RBFOX1: variants seen among roughly 807,000 people sequenced by gnomAD.
The protein encoded by RBFOX1 is RNA binding fox-1 homolog 1.
RBFOX1 carries 8 observed loss-of-function variants against 57.7 expected under a neutral mutation model. That is an observed-to-expected ratio of 0.14 (90% CI 0.08 to 0.25). RBFOX1 has a LOEUF of 0.25. Among genes scored for constraint, RBFOX1 ranks in the 10% least tolerant of loss-of-function variants. The pLI is 1.00. For missense variants in RBFOX1, 611 were observed against 548.5 expected (o/e 1.11, Z -1.14); for synonymous variants, 326 against 222.4 (o/e 1.47, Z -4.15).
chr16:6,982,089 C>T (rs1270701758), intron 3 of RBFOX1, among the ~76,000 whole-genome samples: 2 of 152,086 alleles, frequency 1.3e-5, no homozygotes, highest in Non-Finnish European at 2.9e-5. Flanking sequence ...GTTTATATAA[C>T]AAGAATGTGG....
At chr16:6,678,563 G>A (rs1270916726) in intron 3 of RBFOX1, among the ~76,000 whole-genome samples, 1 of 151,392 alleles carries the variant, frequency 6.6e-6, no homozygotes, top group Non-Finnish European at 1.5e-5. Flanking sequence ...TTTCTCTTTA[G>A]AGGTTTTGTG....
chr16:6,344,407 C>CTTTTTTTTTTTTTTTTTTTTTTTTTT (rs60637926), intron 2 of RBFOX1, among the ~76,000 whole-genome samples: 44 of 109,828 alleles, frequency 4.0e-4, no homozygotes, highest in Non-Finnish European at 5.1e-4. Flanking sequence ...TCTTTTTTTT[C>CTTTTTTTTTTTTTTTTTTTTTTTTTT]TTTTTTTTTT....
chr16:6,705,531 C>G (rs1478966912), intron 3 of RBFOX1: 2 of 152,156 alleles, frequency 1.3e-5, no homozygotes, highest in Non-Finnish European at 2.9e-5. Context: ...CTACCCAGAT[C>G]TCAGTTTCTA....
chr16:6,356,943 A>G (rs754422679), intron 2 of RBFOX1, among the ~76,000 whole-genome samples: 5 of 152,178 alleles, frequency 3.3e-5, no homozygotes, highest in African/African-American at 7.2e-5. Context: ...AAAGGAAACT[A>G]AAAGCCACAG....
chr16:6,538,738 T>C (rs1277483001), intron 2 of RBFOX1, among the ~76,000 whole-genome samples: 1 of 152,220 alleles, frequency 6.6e-6, no homozygotes, highest in Admixed American at 6.5e-5. Flanking sequence ...TGAATGTGTT[T>C]GCCTTTTTCC....
intron 3 of RBFOX1, among the ~76,000 whole-genome samples, chr16:6,728,011 A>G (rs1046982419): frequency 1.6e-4 from 24 of 152,214 alleles, no homozygotes; most frequent in African/African-American, 5.8e-4. Context: ...AAGAAATTGT[A>G]GTATTTCCAT....
At chr16:6,932,014 C>T (rs1385134051) in intron 3 of RBFOX1, among the ~76,000 whole-genome samples, 2 of 152,180 alleles carry the variant, frequency 1.3e-5, no homozygotes, top group African/African-American at 4.8e-5. Flanking sequence ...CTAACTGACA[C>T]CTGCAGTAGC....
intron 3 of RBFOX1, among the ~76,000 whole-genome samples, chr16:6,834,753 A>T (rs1327657688): frequency 6.6e-6 from 1 of 152,142 alleles, no homozygotes; most frequent in African/African-American, 2.4e-5. Flanking sequence ...CTCGTGAGAC[A>T]GTTGCATTTA....
intron 1 of RBFOX1, among the ~76,000 whole-genome samples, chr16:6,314,444 A>G (rs961306004): frequency 3.7e-4 from 57 of 152,200 alleles, no homozygotes; most frequent in African/African-American, 1.3e-3. Flanking sequence ...GGAAGGGTCA[A>G]TGAAAGTTAC....
intron 1 of RBFOX1, among the ~76,000 whole-genome samples, chr16:5,400,906 GA>G (rs1356628498): frequency 3.3e-5 from 5 of 151,948 alleles, no homozygotes; most frequent in African/African-American, 1.2e-4. Context: ...TTTGTTCATA[GA>G]TCATTTTTCT....
intron 1 of RBFOX1, among the ~76,000 whole-genome samples, chr16:5,403,096 A>T (rs2066760639): frequency 6.6e-6 from 1 of 152,082 alleles, no homozygotes; most frequent in Admixed American, 6.5e-5. Context: ...TCATGCCTAT[A>T]ATCCCACCAC....
chr16:6,797,622 G>C (rs984557442), intron 3 of RBFOX1, among the ~76,000 whole-genome samples: 4 of 152,090 alleles, frequency 2.6e-5, no homozygotes, highest in African/African-American at 9.7e-5. Context: ...ATTAACAATA[G>C]CATACTGGGC....
intron 3 of RBFOX1, among the ~76,000 whole-genome samples, chr16:5,650,207 G>C (rs2049189382): frequency 6.6e-6 from 1 of 152,170 alleles, no homozygotes; most frequent in Non-Finnish European, 1.5e-5. Context: ...AATCTTACCT[G>C]AGCAAACAGA....
At chr16:5,692,151 A>G (rs1245935726) in intron 3 of RBFOX1, among the ~76,000 whole-genome samples, 1 of 150,706 alleles carries the variant, frequency 6.6e-6, no homozygotes, top group Non-Finnish European at 1.5e-5. Flanking sequence ...AAACCCATGC[A>G]TAATAGGGAC....
At chr16:7,051,748 G>T (rs2050158351) in intron 3 of RBFOX1, among the ~76,000 whole-genome samples, 1 of 152,086 alleles carries the variant, frequency 6.6e-6, no homozygotes, top group South Asian at 2.1e-4. Context: ...CAGGGAAAAG[G>T]GTGGGGAGTT....
intron 3 of RBFOX1, among the ~76,000 whole-genome samples, chr16:6,876,431 C>CT (rs981670264): frequency 5.1e-4 from 30 of 59,342 alleles, no homozygotes; most frequent in African/African-American, 4.0e-3. Flanking sequence ...CAAAGTCACT[C>CT]TTAAAAATGA....
chr16:7,653,222 G>T (rs1225164075), intron 11 of RBFOX1, among the ~76,000 whole-genome samples: 1 of 152,166 alleles, frequency 6.6e-6, no homozygotes, highest in Non-Finnish European at 1.5e-5. Context: ...TTTGTGGGTT[G>T]GGCGTGGTTG....
intron 3 of RBFOX1, among the ~76,000 whole-genome samples, chr16:6,674,542 G>C (rs768995027): frequency 1.3e-5 from 2 of 152,002 alleles, no homozygotes; most frequent in Non-Finnish European, 2.9e-5. Context: ...GGATGGTGTC[G>C]AACTCCTGAC....
intron 6 of RBFOX1, among the ~76,000 whole-genome samples, chr16:7,584,169 G>C (rs1346182587): frequency 6.6e-6 from 1 of 152,094 alleles, no homozygotes. Context: ...TTACTTTTAC[G>C]TTTTATGCTG....
Sources: allele counts gnomAD v4.1 joint callset (sites outside exome capture counted in the v4.1 genomes callset), GRCh38; gene constraint gnomAD v4.1.1; transcripts MANE v1.5; gene names NCBI Gene and HGNC (gene_info 2026-07-23, HGNC 2026-07-21).